The following INPP4B variants were observed in gnomAD, a reference collection of about 807,000 sequenced individuals.
INPP4B encodes inositol polyphosphate-4-phosphatase type II B, also known as inositol polyphosphate 4-phosphatase type II.
In INPP4B, 55 loss-of-function variants were observed where a neutral mutation model predicts 122.5. That is an observed-to-expected ratio of 0.45 (90% CI 0.36 to 0.56). INPP4B has a LOEUF of 0.56. INPP4B is among the 20% of genes least tolerant of loss of function. The pLI, the probability that INPP4B is intolerant of heterozygous loss-of-function variation, is 0.00. For synonymous variants in INPP4B, 403 were observed against 388.7 expected, an observed-to-expected ratio of 1.04 and a Z score of -0.43; for missense variants, 1,000 against 1,097.7, an observed-to-expected ratio of 0.91 and a Z score of 1.26.
intron 17 of INPP4B, among the ~76,000 whole-genome samples, chr4:142,149,425 T>C (rs752951537): frequency 1.3e-5 from 2 of 152,186 alleles, no homozygotes; most frequent in African/African-American, 2.4e-5. Flanking sequence ...AGATGTTTAA[T>C]AAAACTCAAC....
chr4:142,574,668 C>T (rs1226083622), intron 2 of INPP4B, among the ~76,000 whole-genome samples: 3 of 152,104 alleles, frequency 2.0e-5, no homozygotes, highest in African/African-American at 7.2e-5. Flanking sequence ...ACACAAATAT[C>T]TTCTCCTCAA....
At chr4:142,124,032 C>T (rs536523994) in intron 19 of INPP4B, among the ~76,000 whole-genome samples, 27 of 152,158 alleles carry the variant, frequency 1.8e-4, no homozygotes, top group East Asian at 1.4e-3. Flanking sequence ...GCACACCCAC[C>T]GTGATGGAGG....
chr4:142,752,728 G>A (rs148197094), intron 1 of INPP4B, among the ~76,000 whole-genome samples: 15 of 152,078 alleles, frequency 9.9e-5, no homozygotes, highest in African/African-American at 2.4e-4. Flanking sequence ...AGTTACTAGC[G>A]GCCTGACAGC....
intron 22 of INPP4B, 25 bp from the exon 23 acceptor site, chr4:142,108,215 C>T: frequency 1.5e-6 from 2 of 1,301,266 alleles, no homozygotes; most frequent in Non-Finnish European, 2.2e-6. Context: ...AAGAAAACAG[C>T]TGTGGGTTAT....
At chr4:142,793,158 C>A (rs1354006462) in intron 1 of INPP4B, among the ~76,000 whole-genome samples, 1 of 152,040 alleles carries the variant, frequency 6.6e-6, no homozygotes, top group Non-Finnish European at 1.5e-5. Context: ...ATATGGAATA[C>A]CCACAAGGAT....
chr4:142,208,292 T>C (rs1843382701), intron 14 of INPP4B, 133 bp downstream of exon 14: 1 of 442,588 alleles, frequency 2.3e-6, no homozygotes, highest in Non-Finnish European at 4.0e-6. Context: ...TTTAGGGTCA[T>C]TATGAGGTTC....
At chr4:142,291,073 CCT>C (rs1050598947) in intron 9 of INPP4B, among the ~76,000 whole-genome samples, 40 of 152,218 alleles carry the variant, frequency 2.6e-4, no homozygotes, top group African/African-American at 9.4e-4. Flanking sequence ...TCTGTCAGTG[CCT>C]CTGTTTCTAA....
intron 12 of INPP4B, among the ~76,000 whole-genome samples, chr4:142,222,423 T>C (rs1849728599): frequency 6.6e-6 from 1 of 152,228 alleles, no homozygotes; most frequent in Non-Finnish European, 1.5e-5. Flanking sequence ...ATGACTACCC[T>C]GGTCTAAGCC....
chr4:142,141,802 G>A (rs1807975300), intron 18 of INPP4B, among the ~76,000 whole-genome samples: 1 of 152,066 alleles, frequency 6.6e-6, no homozygotes, highest in Non-Finnish European at 1.5e-5. Context: ...ATGACCATCT[G>A]TTTAGCCATG....
At chr4:142,723,886 C>A (rs1765011577) in intron 2 of INPP4B, among the ~76,000 whole-genome samples, 1 of 152,076 alleles carries the variant, frequency 6.6e-6, no homozygotes, top group Non-Finnish European at 1.5e-5. Flanking sequence ...CCCAGTTCAA[C>A]AAATCTATAG....
intron 18 of INPP4B, among the ~76,000 whole-genome samples, chr4:142,125,677 C>T (rs74379569): frequency 0.02 from 3,014 of 152,182 alleles, 102 homozygotes; most frequent in African/African-American, 0.069. Flanking sequence ...CCCCTTACTA[C>T]ACTTCCCTAT....
At chr4:142,144,983 T>C (rs1809906391) in intron 18 of INPP4B, among the ~76,000 whole-genome samples, 2 of 152,052 alleles carry the variant, frequency 1.3e-5, no homozygotes, top group Non-Finnish European at 2.9e-5. Flanking sequence ...GCTTATTCTC[T>C]CCAAACACTT....
chr4:142,822,394 G>A (rs1322769909), intron 1 of INPP4B, among the ~76,000 whole-genome samples: 1 of 152,188 alleles, frequency 6.6e-6, no homozygotes, highest in Non-Finnish European at 1.5e-5. Context: ...GTACAAGTCT[G>A]TGGCCTGTTG....
chr4:142,792,558 G>C (rs1422001871), intron 1 of INPP4B, among the ~76,000 whole-genome samples: 3 of 151,862 alleles, frequency 2.0e-5, no homozygotes, highest in Admixed American at 1.3e-4. Flanking sequence ...TTAGCTTATG[G>C]AAACTGCTCT....
intron 11 of INPP4B, among the ~76,000 whole-genome samples, chr4:142,251,409 C>G (rs1731977645): frequency 6.6e-6 from 1 of 152,022 alleles, no homozygotes; most frequent in Non-Finnish European, 1.5e-5. Context: ...AAGTAAATAA[C>G]TAAAGGTTTA....
intron 5 of INPP4B, among the ~76,000 whole-genome samples, chr4:142,416,405 G>C (rs986728418): frequency 6.6e-6 from 1 of 152,160 alleles, no homozygotes; most frequent in African/African-American, 2.4e-5. Context: ...GCATTGTGCA[G>C]ATGGTGGTTG....
intron 17 of INPP4B, among the ~76,000 whole-genome samples, chr4:142,158,848 A>G (rs138263647): frequency 6.6e-6 from 1 of 151,928 alleles, no homozygotes; most frequent in Non-Finnish European, 1.5e-5. Flanking sequence ...AATGAGGGGG[A>G]AAAATTCCAA....
At chr4:142,416,137 A>G (rs1001618300) in intron 5 of INPP4B, among the ~76,000 whole-genome samples, 5 of 152,190 alleles carry the variant, frequency 3.3e-5, no homozygotes, top group Non-Finnish European at 5.9e-5. Flanking sequence ...CATGTACCCT[A>G]AAACTTAAAG....
At chr4:142,280,728 CCAAA>C (rs1259110311) in intron 9 of INPP4B, among the ~76,000 whole-genome samples, 49 of 151,842 alleles carry the variant, frequency 3.2e-4, no homozygotes, top group African/African-American at 9.4e-4. Context: ...TAAATCAATA[CCAAA>C]CAAACAAACA....
Sources: gnomAD v4.1 joint callset for allele counts (sites outside exome capture counted in the v4.1 genomes callset) on GRCh38, gnomAD v4.1.1 for gene constraint, MANE v1.5 for transcripts, NCBI Gene and HGNC (gene_info 2026-07-23, HGNC 2026-07-21) for gene names.